Variants in NSMCE2 observed in about 807,000 individuals in gnomAD.
NSMCE2 encodes the protein E3 SUMO-protein ligase NSE2.
A neutral mutation model predicts 23.8 loss-of-function variants in NSMCE2; 24 were observed. The ratio of observed to expected loss-of-function variants is 1.01; its 90% CI spans 0.73 to 1.42. NSMCE2 has a LOEUF of 1.42. NSMCE2 is among the 40% of genes most tolerant of loss of function. NSMCE2 has a pLI of 0.00. For missense variants in NSMCE2, 284 were observed against 296.5 expected (o/e 0.96, Z 0.31); for synonymous variants, 92 against 94.1 (o/e 0.98, Z 0.13).
chr8:125,122,977 T>G (rs2130509435), intron 3 of NSMCE2, among the ~76,000 whole-genome samples: 1 of 152,346 alleles, frequency 6.6e-6, no homozygotes, highest in South Asian at 2.1e-4. Context: ...GGCTGCACTT[T>G]ACTCATCCGT....
intron 5 of NSMCE2, among the ~76,000 whole-genome samples, chr8:125,217,880 GA>G (rs547379030): frequency 0.018 from 2,205 of 125,194 alleles, 42 homozygotes; most frequent in African/African-American, 0.06. Context: ...ATCTAAATAT[GA>G]AAAAAAAAAA....
At chr8:125,118,549 C>A (rs1224055873) in intron 3 of NSMCE2, among the ~76,000 whole-genome samples, 1 of 152,106 alleles carries the variant, frequency 6.6e-6, no homozygotes, top group African/African-American at 2.4e-5. Context: ...TAGGAAATAC[C>A]ACTAGGTGGC....
At chr8:125,243,256 T>A (rs901668655) in intron 5 of NSMCE2, among the ~76,000 whole-genome samples, 12 of 152,156 alleles carry the variant, frequency 7.9e-5, no homozygotes, top group Non-Finnish European at 1.5e-4. Flanking sequence ...TAAGTCAGCT[T>A]TAGGGCATCA....
At chr8:125,293,185 T>C (rs1379146403) in intron 5 of NSMCE2, among the ~76,000 whole-genome samples, 2 of 152,210 alleles carry the variant, frequency 1.3e-5, no homozygotes, top group Admixed American at 6.5e-5. Flanking sequence ...ATTACTATTA[T>C]ACTCATGTCC....
chr8:125,164,008 G>T (rs886651244), intron 4 of NSMCE2, among the ~76,000 whole-genome samples: 4 of 152,212 alleles, frequency 2.6e-5, no homozygotes, highest in African/African-American at 9.7e-5. Context: ...CCCAGGTCTG[G>T]ATAAGATAAT....
At chr8:125,105,313 T>A (rs1274285493) in intron 3 of NSMCE2, among the ~76,000 whole-genome samples, 2 of 152,206 alleles carry the variant, frequency 1.3e-5, no homozygotes, top group African/African-American at 4.8e-5. Flanking sequence ...TTTTTGGTGA[T>A]CATAATTTAG....
intron 5 of NSMCE2, among the ~76,000 whole-genome samples, chr8:125,215,738 C>G (rs1450800193): frequency 1.3e-5 from 2 of 152,200 alleles, no homozygotes; most frequent in African/African-American, 4.8e-5. Flanking sequence ...GATCCAGTTT[C>G]AGCTTTCTAC....
At chr8:125,171,759 A>T (rs937236650) in intron 4 of NSMCE2, among the ~76,000 whole-genome samples, 2 of 152,198 alleles carry the variant, frequency 1.3e-5, no homozygotes, top group Non-Finnish European at 2.9e-5. Flanking sequence ...CAGTAATAAT[A>T]ATAGCAGCTG....
Position 125,366,909 on chromosome 8 carries a change from C to T in NSMCE2, c.*24C>T, listed in dbSNP as rs372794791. 3 of 1,310,424 alleles carry T rather than the reference C, an allele frequency of 2.3e-6. No individual in the cohort carries two copies. The highest frequency in any genetic ancestry group is 3.3e-6 in the Non-Finnish European group (3 of 903,176). 81.2% of individuals were successfully genotyped at this position (1,310,424 alleles called of 1,614,324 possible). A position where few individuals can be genotyped will look rare whatever the true frequency, so the allele number is the denominator to read the frequency against. ...AGGAAAAGCCACCTGCCTGCAGGGA[C>T]ACCAGCAGCCTACCTCCTACCCCAG... On this transcript the variant is annotated 3_prime_UTR_variant, in exon 8 of 8. Coordinates refer to ENST00000287437, the MANE Select transcript of NSMCE2 (RefSeq NM_173685.4).
In NSMCE2 at chr8:125,338,598, G is replaced by A. The variant is rs1408681302; in HGVS notation, c.419-18621G>A. On this transcript the variant is annotated intron_variant, in intron 5 of 7. Transcript: ENST00000287437. ...TCATCATAACCTCAGAAGCAATACA[G>A]AGAAGAAAAGAAAAATCAAGTTAGC... 2.0e-5 allele frequency among the ~76,000 whole-genome samples: 3 copies of A among 152,146 alleles called. No homozygotes were observed. The East Asian group carries it at 5.8e-4, about 29-fold the overall frequency.
intron 5 of NSMCE2, among the ~76,000 whole-genome samples, chr8:125,237,075 A>C (rs1825588267): frequency 6.6e-6 from 1 of 152,204 alleles, no homozygotes; most frequent in Non-Finnish European, 1.5e-5. Context: ...TAAAGTTGGC[A>C]CAGTAAATAC....
chr8:125,355,655 G>A (rs1025093635), intron 5 of NSMCE2, among the ~76,000 whole-genome samples: 10 of 141,220 alleles, frequency 7.1e-5, no homozygotes, highest in Admixed American at 3.1e-4. Context: ...AGCCAAGATC[G>A]CGCCATTGCA....
In NSMCE2 at chr8:125,184,877, C is replaced by T. The variant is rs111308468; in HGVS notation, c.418+2621C>T. ...GAATCTGTTTTGAGATATGTTCTGG[C>T]GGCAAGGAATTACAATAATAATTTT... On this transcript the variant is annotated intron_variant, in intron 5 of 7. Coordinates refer to ENST00000287437, the MANE Select transcript of NSMCE2 (RefSeq NM_173685.4). 2.1e-3 allele frequency among the ~76,000 whole-genome samples: 326 copies of T among 152,032 alleles called. 2 individuals are homozygous for T. The highest frequency in any genetic ancestry group is 7.6e-3 in the African/African-American group (316 of 41,448).
chr8:125,366,789 C>T lies in NSMCE2; in HGVS notation c.648C>T (p.Ser216=), dbSNP rs1436463723. The change falls in exon 8 of 8, where the codon AGC becomes AGT. Residue 216 remains serine, a synonymous_variant. Coordinates refer to ENST00000287437, the MANE Select transcript of NSMCE2 (RefSeq NM_173685.4). ...ACAGTTGCCCTCAAATTGGCTGTAG[C>T]CACACGGATATAAGAAAGTCAGATC... The part of the protein sequence containing the change: ...KKAYCPQIGC[S]HTDIRKSDLI... The T allele has an allele frequency of 1.6e-5, 26 of 1,610,612 alleles. No homozygotes were observed. The highest frequency in any genetic ancestry group is 2.0e-5 in the Non-Finnish European group (23 of 1,176,952).
intron 3 of NSMCE2, among the ~76,000 whole-genome samples, chr8:125,120,196 A>G (rs950863386): frequency 3.3e-5 from 5 of 152,340 alleles, no homozygotes; most frequent in South Asian, 2.1e-4. Flanking sequence ...AAAAGTGGGT[A>G]CTGTATTAGA....
intron 5 of NSMCE2, among the ~76,000 whole-genome samples, chr8:125,314,291 T>TGTTTTGTTTC (rs1257144734): frequency 7.0e-6 from 1 of 142,786 alleles, no homozygotes; most frequent in Non-Finnish European, 1.5e-5. Context: ...TGTTTTGTTT[T>TGTTTTGTTTC]GTTTTTGTTT....
intron 5 of NSMCE2, among the ~76,000 whole-genome samples, chr8:125,282,621 G>C (rs893611114): frequency 2.0e-5 from 3 of 152,192 alleles, no homozygotes; most frequent in African/African-American, 7.2e-5. Flanking sequence ...CCTGGAGAAA[G>C]GCTGTACTTC....
At chr8:125,350,691 G>A (rs1184512476) in intron 5 of NSMCE2, among the ~76,000 whole-genome samples, 1 of 152,208 alleles carries the variant, frequency 6.6e-6, no homozygotes, top group Non-Finnish European at 1.5e-5. Flanking sequence ...AAAACCATCA[G>A]ATCTTGTGAG....
intron 5 of NSMCE2, among the ~76,000 whole-genome samples, chr8:125,300,189 A>G (rs1267808018): frequency 6.8e-6 from 1 of 147,458 alleles, no homozygotes; most frequent in African/African-American, 2.5e-5. Context: ...TTTTATTTTG[A>G]GACAAGTCTA....
Sources: gnomAD v4.1 joint callset for allele counts (sites outside exome capture counted in the v4.1 genomes callset) on GRCh38, gnomAD v4.1.1 for gene constraint, MANE v1.5 for transcripts, NCBI Gene and HGNC (gene_info 2026-07-23, HGNC 2026-07-21) for gene names.